RABGAP1L: variants seen among roughly 807,000 people sequenced by gnomAD.
RABGAP1L encodes RAB GTPase activating protein 1 like, also known as rab GTPase-activating protein 1-like.
A neutral mutation model predicts 137.7 loss-of-function variants in RABGAP1L; 63 were observed. The ratio of observed to expected loss-of-function variants is 0.46; its 90% CI spans 0.37 to 0.56. The LOEUF (loss-of-function observed/expected upper bound fraction) is 0.56, where lower values mean the gene tolerates loss of function less well. Ranked by LOEUF, RABGAP1L falls within the 20% of genes least tolerant of loss-of-function variation. The pLI is 0.00. For missense variants in RABGAP1L, 1,095 were observed against 1,244.0 expected (o/e 0.88, Z 1.80); for synonymous variants, 431 against 433.7 (o/e 0.99, Z 0.08).
At chr1:174,201,480 C>T (rs1668093469) in intron 1 of RABGAP1L, among the ~76,000 whole-genome samples, 1 of 152,088 alleles carries the variant, frequency 6.6e-6, no homozygotes, top group African/African-American at 2.4e-5. Flanking sequence ...TTACAGGTGC[C>T]ACCGCACCCG....
At chr1:174,221,516 CTTAT>C (rs199948039) in intron 3 of RABGAP1L, among the ~76,000 whole-genome samples, 1,915 of 152,276 alleles carry the variant, frequency 0.013, 14 homozygotes, top group Non-Finnish European at 0.02. Context: ...TTTCACTACA[CTTAT>C]TTAAAGTTAT....
rs1182777695 is a variant in RABGAP1L, at chr1:174,580,128, C to CATA, written c.1711-57245_1711-57243dup. Among the ~76,000 whole-genome samples, 103 of 150,982 alleles carry CATA rather than the reference C, an allele frequency of 6.8e-4. 1 individual carries two copies. Among genetic ancestry groups the CATA allele is most frequent in the African/African-American group, 2.3e-3 (95 of 41,424 alleles). ...AAAGTACAAGCAGCAAAATATAAAACATAAACTGGACTTCCTTAAAACTTA... is the reference window on the plus strand; with the variant it reads ...AAAGTACAAGCAGCAAAATATAAAACATAATAAACTGGACTTCCTTAAAACTTA... On this transcript the variant is annotated intron_variant, in intron 13 of 25. Coordinates refer to ENST00000681986, the MANE Select transcript of RABGAP1L (RefSeq NM_001366446.1).
intron 15 of RABGAP1L, among the ~76,000 whole-genome samples, chr1:174,686,648 CTTTTTTTTT>C (rs533716511): frequency 1.6e-4 from 17 of 105,770 alleles, no homozygotes; most frequent in Admixed American, 3.3e-4. Flanking sequence ...ACAAAGCAAT[CTTTTTTTTT>C]TTTTTTTTTT....
intron 18 of RABGAP1L, among the ~76,000 whole-genome samples, chr1:174,762,234 G>A (rs191821719): frequency 1.3e-5 from 2 of 152,304 alleles, no homozygotes; most frequent in African/African-American, 4.8e-5. Flanking sequence ...AGTCCACATA[G>A]TTTTTATGAT....
chr1:174,694,524 T>C (rs1212972006), intron 15 of RABGAP1L, among the ~76,000 whole-genome samples: 1 of 151,620 alleles, frequency 6.6e-6, no homozygotes, highest in Non-Finnish European at 1.5e-5. Flanking sequence ...ACAAAGGACA[T>C]GAACTCATCA....
chr1:174,531,756 G>C lies in RABGAP1L; in HGVS notation c.1711-105619G>C, dbSNP rs967408635. Among the ~76,000 whole-genome samples the C allele has an allele frequency of 4.1e-5, 5 of 122,520 alleles. No homozygotes were observed. The East Asian group carries it at 1.7e-3, about 41-fold the overall frequency. 80.4% of individuals were successfully genotyped at this position (122,520 alleles called of 152,430 possible). ...GAGATACTGTCTCGGGGGTGGGGGG[G>C]GGGAAGATATACCAAAACATATTAT... is the stretch of plus-strand genomic sequence containing the variant. On this transcript the variant is annotated intron_variant, in intron 13 of 25. Coordinates refer to ENST00000681986, the MANE Select transcript of RABGAP1L (RefSeq NM_001366446.1).
intron 1 of RABGAP1L, among the ~76,000 whole-genome samples, chr1:174,167,835 G>A (rs1665033644): frequency 6.6e-6 from 1 of 152,180 alleles, no homozygotes; most frequent in South Asian, 2.1e-4. Context: ...ACTACATGGA[G>A]TGTTTTCTGT....
intron 19 of RABGAP1L, among the ~76,000 whole-genome samples, chr1:174,824,420 A>G (rs1468458765): frequency 3.3e-5 from 5 of 152,022 alleles, no homozygotes; most frequent in Non-Finnish European, 1.5e-5. Flanking sequence ...ACTTGAACCC[A>G]GGAGGGGGAG....
chr1:174,606,522 T>C (rs2148191249), intron 13 of RABGAP1L, among the ~76,000 whole-genome samples: 1 of 152,380 alleles, frequency 6.6e-6, no homozygotes. Flanking sequence ...GGTTGGTCTT[T>C]ATTTGGCATT....
chr1:174,741,299 A>G (rs1250401228), intron 17 of RABGAP1L, among the ~76,000 whole-genome samples: 2 of 152,116 alleles, frequency 1.3e-5, no homozygotes, highest in East Asian at 3.8e-4. Context: ...CTGCATGGCT[A>G]TACAATTTTC....
intron 18 of RABGAP1L, among the ~76,000 whole-genome samples, chr1:174,810,934 A>T (rs577879859): frequency 2.1e-5 from 3 of 143,620 alleles, no homozygotes; most frequent in East Asian, 4.0e-4. Flanking sequence ...ATCTCTATTT[A>T]AAAAAAAAAA....
In RABGAP1L at chr1:174,503,020, A is replaced by G. The variant is rs955997515; in HGVS notation, c.1710+108875A>G. 3.3e-5 allele frequency among the ~76,000 whole-genome samples: 5 copies of G among 152,302 alleles called. No homozygotes were observed. The South Asian group carries it at 8.3e-4, about 25-fold the overall frequency. ...TGTGTTCATTCATGTGCTTGTGCATACATACATATGTGAGTGCAGACATGA... is the reference window on the plus strand; with the variant it reads ...TGTGTTCATTCATGTGCTTGTGCATGCATACATATGTGAGTGCAGACATGA... On this transcript the variant is annotated intron_variant, in intron 13 of 25. Transcript: ENST00000681986.
chr1:174,422,097 A>G (rs903984072), intron 13 of RABGAP1L, among the ~76,000 whole-genome samples: 2 of 152,070 alleles, frequency 1.3e-5, no homozygotes, highest in South Asian at 4.1e-4. Flanking sequence ...TCATTCCAGG[A>G]TTGGTTTCAT....
chr1:174,909,732 G>A (rs78692905), intron 19 of RABGAP1L, among the ~76,000 whole-genome samples: 5 of 152,218 alleles, frequency 3.3e-5, no homozygotes, highest in Admixed American at 6.5e-5. Context: ...ACAAAGCATC[G>A]TTAGAGACTG....
intron 13 of RABGAP1L, among the ~76,000 whole-genome samples, chr1:174,508,211 G>T (rs1444461714): frequency 6.6e-6 from 1 of 152,076 alleles, no homozygotes; most frequent in Non-Finnish European, 1.5e-5. Flanking sequence ...GGTTGTTGTT[G>T]CTGTAAAACA....
At chr1:174,551,000 A>G (rs561902482) in intron 13 of RABGAP1L, among the ~76,000 whole-genome samples, 1 of 73,980 alleles carries the variant, frequency 1.4e-5, no homozygotes, top group African/African-American at 1.7e-4. Flanking sequence ...ATATATACAC[A>G]TATATATATA....
intron 19 of RABGAP1L, among the ~76,000 whole-genome samples, chr1:174,895,318 T>C (rs1656944861): frequency 6.6e-6 from 1 of 152,168 alleles, no homozygotes; most frequent in Non-Finnish European, 1.5e-5. Context: ...ACTTGTTACA[T>C]TCCCCTAGAT....
rs1157893533 is a variant in RABGAP1L, at chr1:174,978,946, T to C, written c.2733+56T>C. ...TTATAGTTTGCTGCTATAAAAGTAA[T>C]TTTTTTTTTTTTGCTTGAGGCCAGG... On this transcript the variant is annotated intron_variant, in intron 23 of 25. Coordinates refer to ENST00000681986, the MANE Select transcript of RABGAP1L (RefSeq NM_001366446.1). 24 of 304,770 alleles carry C rather than the reference T, an allele frequency of 7.9e-5. No homozygotes were observed. The East Asian group carries it at 2.7e-3, about 35-fold the overall frequency. 18.9% of individuals were successfully genotyped at this position (304,770 alleles called of 1,614,324 possible). A position where few individuals can be genotyped will look rare whatever the true frequency, so the allele number is the denominator to read the frequency against.
chr1:174,957,898 A>G lies in RABGAP1L; in HGVS notation c.2433+349A>G, dbSNP rs1359741862. The G allele has an allele frequency of 3.8e-6, 6 of 1,583,474 alleles. No homozygotes were observed. The East Asian group carries it at 1.3e-4, about 35-fold the overall frequency. ...ATATTTCTTTTCTTTCAGTTTGTAT[A>G]TTTGTAGGTAACTCCAGCTGTTGCA... On this transcript the variant is annotated intron_variant, in intron 20 of 25. Transcript: ENST00000681986.
Sources: gnomAD v4.1 joint callset for allele counts (sites outside exome capture counted in the v4.1 genomes callset) on GRCh38, gnomAD v4.1.1 for gene constraint, MANE v1.5 for transcripts, NCBI Gene and HGNC (gene_info 2026-07-23, HGNC 2026-07-21) for gene names.